RCOR1: variants seen among roughly 807,000 people sequenced by gnomAD.
RCOR1 encodes the protein REST corepressor.
In RCOR1, 12 loss-of-function variants were observed where a neutral mutation model predicts 64.0. The ratio of observed to expected loss-of-function variants is 0.19; its 90% CI spans 0.12 to 0.30. RCOR1 has a LOEUF of 0.30. Among genes scored for constraint, RCOR1 ranks in the 10% least tolerant of loss-of-function variants. The pLI is 1.00. For synonymous variants in RCOR1, 279 were observed against 227.2 expected, an observed-to-expected ratio of 1.23 and a Z score of -2.05; for missense variants, 502 against 621.2, an observed-to-expected ratio of 0.81 and a Z score of 2.04.
At chr14:102,671,998 A>G (rs566100478) in intron 2 of RCOR1, among the ~76,000 whole-genome samples, 49 of 152,172 alleles carry the variant, frequency 3.2e-4, no homozygotes, top group Non-Finnish European at 6.6e-4. Flanking sequence ...CATACTGAGC[A>G]TGTGTTAGTG....
chr14:102,714,747 A>G, intron 8 of RCOR1, 130 bp downstream of exon 8: 1 of 660,062 alleles, frequency 1.5e-6, no homozygotes. Flanking sequence ...GGAATTGGAC[A>G]GATCTTAAGT....
At position 102,726,783 on chromosome 14, in the gene RCOR1, G is replaced by T. The variant is rs1286329433; in HGVS notation, c.*277G>T. ...CACATCTCTTGTGACTCTGGGAACC[G>T]CCTCTCCCGCCGGAGCCCCCGAGCC... On this transcript the variant is annotated 3_prime_UTR_variant, in exon 12 of 12. Coordinates refer to ENST00000262241, the MANE Select transcript of RCOR1 (RefSeq NM_015156.4). 7.1e-6 allele frequency: 3 copies of T among 423,644 alleles called. No homozygotes were observed. The highest frequency in any genetic ancestry group is 1.2e-5 in the Non-Finnish European group (3 of 240,700). The allele number at this position is 423,644 out of a possible 1,614,324, so 26.2% of individuals were successfully genotyped here.
chr14:102,677,009 G>A (rs1895184581), intron 2 of RCOR1, among the ~76,000 whole-genome samples: 2 of 113,436 alleles, frequency 1.8e-5, no homozygotes, highest in Non-Finnish European at 1.8e-5. Flanking sequence ...CCTCCCGGAC[G>A]GGGCGGCCGG....
At chr14:102,668,899 C>T (rs1259965483) in intron 2 of RCOR1, among the ~76,000 whole-genome samples, 1 of 151,952 alleles carries the variant, frequency 6.6e-6, no homozygotes, top group Non-Finnish European at 1.5e-5. Flanking sequence ...TATAGCGTGC[C>T]TATGTTTATT....
chr14:102,710,020 C>A (rs1595241280), intron 6 of RCOR1, among the ~76,000 whole-genome samples: 1 of 152,182 alleles, frequency 6.6e-6, no homozygotes, highest in African/African-American at 2.4e-5. Flanking sequence ...TGCAGCAGCA[C>A]CTGATAAATT....
In RCOR1 at chr14:102,592,717, C is replaced by A. The variant is rs546612962; in HGVS notation, c.-170C>A. On this transcript the variant is annotated 5_prime_UTR_variant, in exon 1 of 12. Coordinates refer to ENST00000262241, the MANE Select transcript of RCOR1 (RefSeq NM_015156.4). ...TCGGCTCGTCGCTGGGGGCTTGAAG[C>A]GGCTCCGCGCTCTGCCCGTTTGGGC... 312 of 1,225,706 alleles carry A rather than the reference C, an allele frequency of 2.5e-4. 1 individual carries two copies. In the African/African-American group the frequency reaches 4.6e-3, roughly 18 times the overall value. The allele number at this position is 1,225,706 out of a possible 1,614,324, so 75.9% of individuals were successfully genotyped here.
At chr14:102,700,676 A>G (rs1417601099) in intron 3 of RCOR1, among the ~76,000 whole-genome samples, 1 of 152,240 alleles carries the variant, frequency 6.6e-6, no homozygotes, top group Non-Finnish European at 1.5e-5. Context: ...TCTTTTAAAG[A>G]AGACTCATAA....
intron 3 of RCOR1, among the ~76,000 whole-genome samples, chr14:102,689,488 G>A (rs1447100263): frequency 6.6e-6 from 1 of 152,184 alleles, no homozygotes; most frequent in Non-Finnish European, 1.5e-5. Flanking sequence ...TCTCAGATGG[G>A]CTGCTGTTGC....
At chr14:102,638,054 G>A (rs531594668) in intron 2 of RCOR1, among the ~76,000 whole-genome samples, 98 of 152,256 alleles carry the variant, frequency 6.4e-4, no homozygotes, top group Middle Eastern at 3.4e-3. Context: ...ACTTCCCCCA[G>A]ATTGCAGATT....
chr14:102,681,944 C>G lies in RCOR1; in HGVS notation c.411C>G (p.Val137=), dbSNP rs1470917206. 2 of 1,613,834 alleles carry G rather than the reference C, an allele frequency of 1.2e-6. No individual in the cohort carries two copies. Among genetic ancestry groups the G allele is most frequent in the Non-Finnish European group, 8.5e-7 (1 of 1,179,756 alleles). The change falls in exon 3 of 12, where the codon GTC becomes GTG. Residue 137 remains valine (V), a synonymous_variant. Coordinates refer to ENST00000262241, the MANE Select transcript of RCOR1 (RefSeq NM_015156.4). The part of the protein sequence containing the change: ...SQERDNLGML[V]WSPNQNLSEA... ...AACGGGACAATCTTGGCATGTTGGT[C>G]TGGTCACCCAATCAAAATCTGTCAG...
At chr14:102,607,698 A>G (rs969470887) in intron 2 of RCOR1, among the ~76,000 whole-genome samples, 2 of 152,216 alleles carry the variant, frequency 1.3e-5, no homozygotes, top group African/African-American at 2.4e-5. Flanking sequence ...CCTGGCCAAC[A>G]TGGTAAAACC....
intron 2 of RCOR1, among the ~76,000 whole-genome samples, chr14:102,649,568 C>T (rs1446129031): frequency 1.3e-5 from 2 of 152,218 alleles, no homozygotes. Flanking sequence ...AGTAGACAAG[C>T]ATGGCTGCCA....
chr14:102,724,348 A>G (rs957682670), intron 11 of RCOR1, among the ~76,000 whole-genome samples: 4 of 151,690 alleles, frequency 2.6e-5, no homozygotes, highest in Non-Finnish European at 5.9e-5. Flanking sequence ...TTTTTGAGAC[A>G]GAGTCTCCCT....
chr14:102,647,399 C>T (rs953244718), intron 2 of RCOR1, among the ~76,000 whole-genome samples: 3 of 151,716 alleles, frequency 2.0e-5, no homozygotes, highest in Non-Finnish European at 2.9e-5. Context: ...TCACTGCACC[C>T]TCCGCCTCCT....
intron 4 of RCOR1, among the ~76,000 whole-genome samples, chr14:102,701,672 G>A (rs1895760843): frequency 6.6e-6 from 1 of 152,124 alleles, no homozygotes; most frequent in Non-Finnish European, 1.5e-5. Flanking sequence ...GATGTTTTTT[G>A]ACGCATGTTT....
chr14:102,684,073 C>T (rs537406863), intron 3 of RCOR1, among the ~76,000 whole-genome samples: 58 of 152,340 alleles, frequency 3.8e-4, no homozygotes, highest in South Asian at 1.2e-3. Flanking sequence ...TCGCAGGACC[C>T]GGCTGAGCGC....
At chr14:102,702,701 C>T (rs1895776213) in intron 4 of RCOR1, among the ~76,000 whole-genome samples, 1 of 151,992 alleles carries the variant, frequency 6.6e-6, no homozygotes, top group Admixed American at 6.6e-5. Context: ...GGAGGCAAGC[C>T]TACAACCAAA....
intron 2 of RCOR1, among the ~76,000 whole-genome samples, chr14:102,600,617 C>T (rs542430184): frequency 2.0e-5 from 3 of 147,942 alleles, no homozygotes; most frequent in East Asian, 4.1e-4. Flanking sequence ...GTTCCCCAGG[C>T]TGGAGTGCAG....
chr14:102,639,501 ATTT>A (rs1894318978), intron 2 of RCOR1, among the ~76,000 whole-genome samples: 1 of 23,396 alleles, frequency 4.3e-5, no homozygotes, highest in Non-Finnish European at 9.4e-5. Context: ...TTTAATTTTT[ATTT>A]ATTTATTTAT....
Sources: gnomAD v4.1 joint callset for allele counts (sites outside exome capture counted in the v4.1 genomes callset) on GRCh38, gnomAD v4.1.1 for gene constraint, MANE v1.5 for transcripts, NCBI Gene and HGNC (gene_info 2026-07-23, HGNC 2026-07-21) for gene names.